The following MYO3B variants were observed in gnomAD, a reference collection of about 807,000 sequenced individuals.
The protein encoded by MYO3B is myosin-IIIb.
Under a neutral mutation model 174.6 loss-of-function variants are expected in MYO3B, and 156 were observed. The ratio of observed to expected loss-of-function variants is 0.89; its 90% CI spans 0.78 to 1.02. The LOEUF (loss-of-function observed/expected upper bound fraction) is 1.02, where lower values mean the gene tolerates loss of function less well. MYO3B is among the 50% of genes least tolerant of loss of function. The probability of loss-of-function intolerance (pLI) is 0.00; values close to 1 mark genes in which losing one functional copy is unlikely to be tolerated. For missense variants in MYO3B, 1,632 were observed against 1,639.4 expected (o/e 1.00, Z 0.08); for synonymous variants, 563 against 569.1 (o/e 0.99, Z 0.15).
chr2:170,428,711 T>C, intron 22 of MYO3B, among the ~76,000 whole-genome samples: 1 of 152,230 alleles, frequency 6.6e-6, no homozygotes, highest in East Asian at 1.9e-4. Context: ...CACCCCCATC[T>C]ACACCACATG....
At chr2:170,240,166 A>G (rs1005074689) in intron 7 of MYO3B, among the ~76,000 whole-genome samples, 3 of 152,138 alleles carry the variant, frequency 2.0e-5, no homozygotes, top group Non-Finnish European at 4.4e-5. Context: ...CTTATTCCAA[A>G]TGAGGTCGCA....
intron 27 of MYO3B, among the ~76,000 whole-genome samples, chr2:170,500,150 G>A (rs6737532): frequency 0.92 from 140,398 of 152,242 alleles, 65,723 homozygotes; most frequent in Non-Finnish European, 1. Flanking sequence ...AGAAAGACAG[G>A]TTAACAGGAG....
intron 25 of MYO3B, among the ~76,000 whole-genome samples, chr2:170,467,263 G>T (rs1470367660): frequency 6.6e-6 from 1 of 152,192 alleles, no homozygotes. Flanking sequence ...AAGAAAGTAA[G>T]TGATTTTCCC....
intron 5 of MYO3B, among the ~76,000 whole-genome samples, chr2:170,215,416 T>C (rs1270276145): frequency 2.0e-5 from 3 of 152,182 alleles, no homozygotes; most frequent in African/African-American, 7.2e-5. Flanking sequence ...TGTAATATCA[T>C]ATGTTGATAT....
chr2:170,338,907 A>G (rs752616289), intron 8 of MYO3B, among the ~76,000 whole-genome samples: 5 of 152,154 alleles, frequency 3.3e-5, no homozygotes, highest in Non-Finnish European at 7.4e-5. Flanking sequence ...CCCAGCCCCA[A>G]ATAATATCCT....
At chr2:170,649,699 C>T (rs1345642011) in intron 32 of MYO3B, among the ~76,000 whole-genome samples, 1 of 150,078 alleles carries the variant, frequency 6.7e-6, no homozygotes, top group African/African-American at 2.4e-5. Context: ...TGGTGGTGCA[C>T]ACCTGTAATC....
At position 170,461,821 on chromosome 2, in the gene MYO3B, T is replaced by G. The variant is rs199534597; in HGVS notation, c.2731-1547T>G. 1.3e-3 allele frequency among the ~76,000 whole-genome samples: 197 copies of G among 149,346 alleles called. 1 individual carries two copies. The highest frequency in any genetic ancestry group is 4.5e-3 in the African/African-American group (184 of 40,786). On this transcript the variant is annotated intron_variant, in intron 23 of 34. Transcript: ENST00000408978. The stretch of plus-strand genomic sequence containing the variant: ...TGGTGGAGAAATTCCCAAAGTTGTG[T>G]GTATGTATATGTATGGAGGTCGGCG...
intron 14 of MYO3B, among the ~76,000 whole-genome samples, chr2:170,391,311 G>C (rs1247502709): frequency 6.6e-6 from 1 of 152,134 alleles, no homozygotes; most frequent in African/African-American, 2.4e-5. Context: ...GAAACCTTTT[G>C]CTTGTCGTAA....
intron 32 of MYO3B, among the ~76,000 whole-genome samples, chr2:170,568,413 G>T (rs540109499): frequency 6.6e-6 from 1 of 152,308 alleles, no homozygotes; most frequent in East Asian, 1.9e-4. Flanking sequence ...TAAATATTCA[G>T]AAATTTTCTA....
chr2:170,313,304 T>C (rs1287799140), intron 7 of MYO3B, among the ~76,000 whole-genome samples: 1 of 152,186 alleles, frequency 6.6e-6, no homozygotes, highest in Non-Finnish European at 1.5e-5. Context: ...ATGTGAGGCA[T>C]GTAGATAACA....
At chr2:170,336,319 T>A (rs1032386553) in intron 8 of MYO3B, among the ~76,000 whole-genome samples, 1 of 151,738 alleles carries the variant, frequency 6.6e-6, no homozygotes, top group African/African-American at 2.4e-5. Context: ...CCAAATTAGC[T>A]GATAAATAAG....
At chr2:170,568,442 A>G (rs1692215324) in intron 32 of MYO3B, among the ~76,000 whole-genome samples, 2 of 152,230 alleles carry the variant, frequency 1.3e-5, no homozygotes, top group Admixed American at 1.3e-4. Context: ...TCAGGAGTGA[A>G]GGCATATGGA....
intron 8 of MYO3B, among the ~76,000 whole-genome samples, chr2:170,363,335 A>G (rs2094175299): frequency 1.3e-5 from 2 of 152,092 alleles, no homozygotes; most frequent in Non-Finnish European, 2.9e-5. Flanking sequence ...TTGCCTTTTC[A>G]GCTGCTCTAT....
chr2:170,401,959 C>T (rs539091528), intron 18 of MYO3B, among the ~76,000 whole-genome samples: 32 of 152,244 alleles, frequency 2.1e-4, no homozygotes, highest in African/African-American at 7.0e-4. Flanking sequence ...CGTGCCACCA[C>T]GCCCGGCTAA....
At chr2:170,627,613 A>G (rs1385345441) in intron 32 of MYO3B, among the ~76,000 whole-genome samples, 4 of 152,214 alleles carry the variant, frequency 2.6e-5, no homozygotes, top group African/African-American at 9.7e-5. Context: ...TTCCTTTGGA[A>G]GAGGAGAGGC....
chr2:170,386,242 G>A lies in MYO3B; in HGVS notation c.1344G>A (p.Leu448=). The A allele has an allele frequency of 6.2e-7, 1 of 1,613,562 alleles. No homozygotes were observed. Among genetic ancestry groups the A allele is most frequent in the Non-Finnish European group, 8.5e-7 (1 of 1,179,636 alleles). ...CTGGGAAGACAGAAAGCGCCCACCT[G>A]ATTGTTCAGCATTTGACTTTCTTGG... is the stretch of plus-strand genomic sequence containing the variant. The part of the protein sequence containing the change: ...SGSGKTESAH[L]IVQHLTFLGK... Residue 448 remains leucine (L), a synonymous_variant, in exon 13 of 35, where the codon CTG becomes CTA. Transcript: ENST00000408978.
chr2:170,474,799 A>G (rs1450971205), intron 25 of MYO3B, among the ~76,000 whole-genome samples: 1 of 140,756 alleles, frequency 7.1e-6, no homozygotes. Context: ...GGCATCCATT[A>G]CCCTTAGTTT....
At chr2:170,361,443 A>G (rs1446919811) in intron 8 of MYO3B, among the ~76,000 whole-genome samples, 1 of 152,240 alleles carries the variant, frequency 6.6e-6, no homozygotes, top group Non-Finnish European at 1.5e-5. Context: ...CCACCAGTTA[A>G]CAATCCTTAA....
At chr2:170,201,826 C>G (rs1232441204) in intron 3 of MYO3B, among the ~76,000 whole-genome samples, 1 of 151,566 alleles carries the variant, frequency 6.6e-6, no homozygotes, top group African/African-American at 2.4e-5. Flanking sequence ...GTCTTCAGCT[C>G]TGTAAGATCT....
Sources: gnomAD v4.1 joint callset for allele counts (sites outside exome capture counted in the v4.1 genomes callset) on GRCh38, gnomAD v4.1.1 for gene constraint, MANE v1.5 for transcripts, NCBI Gene and HGNC (gene_info 2026-07-23, HGNC 2026-07-21) for gene names.